The following MBD6 variants were observed in gnomAD, a reference collection of about 807,000 sequenced individuals.
MBD6 encodes methyl-CpG-binding domain protein 6.
In MBD6, 22 loss-of-function variants were observed where a neutral mutation model predicts 66.8. That is an observed-to-expected ratio of 0.33 (90% CI 0.24 to 0.47). MBD6 has a LOEUF of 0.47. Among genes scored for constraint, MBD6 ranks in the 20% least tolerant of loss-of-function variants. MBD6 has a pLI of 1.00. For missense variants in MBD6, 1,322 were observed against 1,286.9 expected (o/e 1.03, Z -0.42); for synonymous variants, 540 against 534.6 (o/e 1.01, Z -0.14).
chr12:57,530,455 G>A (rs369649258), downstream of MBD6: 362 of 466,306 alleles, frequency 7.8e-4, 2 homozygotes, highest in African/African-American at 6.3e-3. Flanking sequence ...CTGGGCCCAC[G>A]TCCTTATCCC....
rs1565666294 is a variant in MBD6 at position 57,526,694 on chromosome 12, GCTTTCC to G, written c.1557_1562del (p.Phe520_Pro521del). The G allele has an allele frequency of 1.3e-6, 2 of 1,535,806 alleles. No homozygotes were observed. The highest frequency in any genetic ancestry group is 1.8e-6 in the Non-Finnish European group (2 of 1,142,104). On this transcript the variant is annotated inframe_deletion, in exon 7 of 13. Transcript: ENST00000355673. Reference sequence around the variant, plus strand: ...TCTGCCTCCCCTGGCTGGTGGAGAGGCTTTCCCTTTCCCCAGCCCTGAGCAGGGCCT... The same window carrying G: ...TCTGCCTCCCCTGGCTGGTGGAGAGGCTTTCCCCAGCCCTGAGCAGGGCCT...
chr12:57,523,743 T>G (rs150560811), intron 1 of MBD6, among the ~76,000 whole-genome samples: 1 of 152,292 alleles, frequency 6.6e-6, no homozygotes, highest in Admixed American at 6.5e-5. Context: ...GTGCCCATAC[T>G]CCTGGTTGAA....
At chr12:57,522,359 C>G (rs928188927), upstream of MBD6, among the ~76,000 whole-genome samples, 2 of 152,188 alleles carry the variant, frequency 1.3e-5, no homozygotes, top group African/African-American at 2.4e-5. Context: ...GGAGGCGGGT[C>G]AAGTCCCAGC....
chr12:57,528,884 A>G (rs1277931955), intron 11 of MBD6, 62 bp from the exon 12 acceptor site: 1 of 1,612,790 alleles, frequency 6.2e-7, no homozygotes, highest in Non-Finnish European at 8.5e-7. Flanking sequence ...TTCCCACCCA[A>G]ACTTCTGAAA....
In MBD6 at chr12:57,524,969, C is replaced by T; in HGVS notation, c.233C>T (p.Pro78Leu). Residue 78 changes from proline to leucine, a missense_variant, in exon 5 of 13, where the codon CCT becomes CTT. Pro to Leu is a moderately conservative substitution (Grantham distance 98). Transcript: ENST00000355673. ...ACCTTACAGGTTTTCAACTTTGACC[C>T]TTTGGCCCCGGTGACCCCGGGTGGG... is the stretch of plus-strand genomic sequence containing the variant. Reference protein sequence around the residue: ...LNVPKVFNFDPLAPVTPGGAG... With the variant: ...LNVPKVFNFDLLAPVTPGGAG... 6.2e-7 allele frequency: 1 copy of T among 1,602,868 alleles called. No individual in the cohort carries two copies. Among genetic ancestry groups the T allele is most frequent in the Non-Finnish European group, 8.5e-7 (1 of 1,172,982 alleles).
chr12:57,528,883 A>G, intron 11 of MBD6, 63 bp from the exon 12 acceptor site: 2 of 1,612,698 alleles, frequency 1.2e-6, no homozygotes, highest in Non-Finnish European at 1.7e-6. Flanking sequence ...TTTCCCACCC[A>G]AACTTCTGAA....
At chr12:57,530,806 G>A, downstream of MBD6, 1 of 1,559,290 alleles carries the variant, frequency 6.4e-7, no homozygotes, top group Non-Finnish European at 8.8e-7. Flanking sequence ...TTTACTCTTT[G>A]TCAGGTCCAG....
intron 9 of MBD6, 62 bp downstream of exon 9, chr12:57,528,079 C>G: frequency 2.6e-6 from 4 of 1,531,500 alleles, no homozygotes; most frequent in East Asian, 2.3e-5. Flanking sequence ...AAATTTAGGG[C>G]TTTCTGAGTT....
At chr12:57,520,863 C>G, upstream of MBD6, 1 of 133,362 alleles carries the variant, frequency 7.5e-6, no homozygotes, top group Non-Finnish European at 1.6e-5. Flanking sequence ...CAGGGGACAC[C>G]GAGGGTGGTG....
chr12:57,524,151 C>T (rs1878660156), intron 2 of MBD6, 59 bp downstream of exon 2: 1 of 494,222 alleles, frequency 2.0e-6, no homozygotes, highest in African/African-American at 1.9e-5. Context: ...AGGGGTTCCC[C>T]TTGCTCCTCT....
At position 57,524,357 on chromosome 12, in the gene MBD6, C is replaced by T; in HGVS notation, c.54C>T (p.Ala18=). 1 of 1,597,218 alleles carries T rather than the reference C, an allele frequency of 6.3e-7. No individual in the cohort carries two copies. The highest frequency in any genetic ancestry group is 8.5e-7 in the Non-Finnish European group (1 of 1,171,660). The change falls in exon 3 of 13, where the codon GCC becomes GCT. Residue 18 remains alanine, a synonymous_variant. Coordinates refer to ENST00000355673, the MANE Select transcript of MBD6 (RefSeq NM_052897.4). The part of the protein sequence containing the change: ...SGADRAGGPV[A]TSVPIGWQRC... ...CAGACAGAGCTGGGGGCCCTGTGGC[C>T]ACATCTGTCCCCATCGGCTGGCAGC...
chr12:57,523,034 C>CCCACCCTGCCCCTCCCCCT (rs1594851263), intron 1 of MBD6, 23 bp downstream of exon 1: 1 of 142,320 alleles, frequency 7.0e-6, no homozygotes, highest in East Asian at 2.2e-4. Flanking sequence ...CCCGGCCCCC[C>CCCACCCTGCCCCTCCCCCT]CCACCCTGCC....
In MBD6 at chr12:57,527,440, G is replaced by A. The variant is rs975816007; in HGVS notation, c.2083-67G>A. On this transcript the variant is annotated intron_variant, in intron 7 of 12. Coordinates refer to ENST00000355673, the MANE Select transcript of MBD6 (RefSeq NM_052897.4). Reference sequence around the variant, plus strand: ...TTGAGGCTTCAGTCAGATAGTGGATGTGAAAGCACTATAAATCTGTTGAGT... The same window carrying A: ...TTGAGGCTTCAGTCAGATAGTGGATATGAAAGCACTATAAATCTGTTGAGT... The A allele has an allele frequency of 1.2e-4, 189 of 1,552,258 alleles. No individual in the cohort carries two copies. The African/African-American group carries it at 1.8e-3, about 15-fold the overall frequency.
chr12:57,526,520 G>T, intron 6 of MBD6, 46 bp from the exon 7 acceptor site: 1 of 1,512,876 alleles, frequency 6.6e-7, no homozygotes, highest in Non-Finnish European at 8.8e-7. Context: ...TTTGGATGAT[G>T]GGAGAAAGGG....
At chr12:57,528,126 A>G in intron 9 of MBD6, 21 bp from the exon 10 acceptor site, 1 of 1,566,704 alleles carries the variant, frequency 6.4e-7, no homozygotes, top group Non-Finnish European at 8.6e-7. Context: ...ATTGACTGAG[A>G]ACTTATTTTT....
chr12:57,528,678 G>T lies in MBD6; in HGVS notation c.2833G>T (p.Val945Leu), dbSNP rs1431811744. The T allele has an allele frequency of 6.2e-7, 1 of 1,614,188 alleles. No homozygotes were observed. The highest frequency in any genetic ancestry group is 8.5e-7 in the Non-Finnish European group (1 of 1,180,030). ...CATCTTTTCTCAGGTGCCCCCGGGAGTAGTCAGAAAGTCTCGTCGTGGCCG... is the reference window on the plus strand; with the variant it reads ...CATCTTTTCTCAGGTGCCCCCGGGATTAGTCAGAAAGTCTCGTCGTGGCCG... Reference protein sequence around the residue: ...HSEDLKVPPGVVRKSRRGRRR... With the variant: ...HSEDLKVPPGLVRKSRRGRRR... Residue 945 changes from valine (V) to leucine (L), a missense_variant, in exon 11 of 13, where the codon GTA becomes TTA. Val to Leu is a conservative substitution (Grantham distance 32). Coordinates refer to ENST00000355673, the MANE Select transcript of MBD6 (RefSeq NM_052897.4).
In MBD6 at chr12:57,525,388, AG is replaced by A; in HGVS notation, c.423del (p.Ser144LeufsTer35). The A allele has an allele frequency of 6.4e-7, 1 of 1,550,768 alleles. No individual in the cohort carries two copies. ...CCCAAATGTTCCACACTGTGTCCCC[AG>A]GGCCCCCCTCTGCCCGCCCTCCCTG... ...SPQMFHTVSPGPPSARPPCRV... is the reference protein window; with the variant it reads ...SPQMFHTVSPXPPSARPPCRV... On this transcript the variant is annotated frameshift_variant, in exon 6 of 13. Transcript: ENST00000355673. LOFTEE classifies it high-confidence loss of function.
rs781313165 is a variant in MBD6, at chr12:57,526,066, C to T, written c.1098C>T (p.Pro366=). 6.2e-7 allele frequency: 1 copy of T among 1,614,012 alleles called. No individual in the cohort carries two copies. Among genetic ancestry groups the T allele is most frequent in the Non-Finnish European group, 8.5e-7 (1 of 1,179,978 alleles). Residue 366 remains proline (P), a synonymous_variant, in exon 6 of 13, where the codon CCC becomes CCT. Transcript: ENST00000355673. ...SSSLRPSQRR[P]RRPPTVFRLL... ...CACTTCGTCCCTCTCAGCGTCGTCC[C>T]CGCAGACCCCCTACTGTATTTCGAT... is the stretch of plus-strand genomic sequence containing the variant.
At position 57,527,798 on chromosome 12, in the gene MBD6, G is replaced by C. The variant is rs189502391; in HGVS notation, c.2237-50G>C. The C allele has an allele frequency of 2.3e-4, 374 of 1,599,264 alleles. 2 individuals are homozygous for C. In the East Asian group the frequency reaches 8.1e-3, roughly 35 times the overall value. On this transcript the variant is annotated intron_variant, in intron 8 of 12. Transcript: ENST00000355673. ...CTAAAGAGAATAGTAGGTCTGCTCAGCCTAATTGGTTTGCCTAGGGAGAGA... is the reference window on the plus strand; with the variant it reads ...CTAAAGAGAATAGTAGGTCTGCTCACCCTAATTGGTTTGCCTAGGGAGAGA...
Sources: allele counts gnomAD v4.1 joint callset (sites outside exome capture counted in the v4.1 genomes callset), GRCh38; gene constraint gnomAD v4.1.1; transcripts MANE v1.5; gene names NCBI Gene and HGNC (gene_info 2026-07-23, HGNC 2026-07-21).